The following SEL1L variants were observed in gnomAD, a reference collection of about 807,000 sequenced individuals.
The protein encoded by SEL1L is SEL1L adaptor subunit of SYVN1 ubiquitin ligase.
A neutral mutation model predicts 109.8 loss-of-function variants in SEL1L; 52 were observed. That is an observed-to-expected ratio of 0.47 (90% confidence interval 0.38 to 0.60). SEL1L has a LOEUF of 0.60. Ranked by LOEUF, SEL1L falls within the 20% of genes least tolerant of loss-of-function variation. The pLI, the probability that SEL1L is intolerant of heterozygous loss-of-function variation, is 0.00. For missense variants in SEL1L, 749 were observed against 962.2 expected, an observed-to-expected ratio of 0.78 and a Z score of 2.93; for synonymous variants, 373 against 339.6, an observed-to-expected ratio of 1.10 and a Z score of -1.08.
rs1903173393 is a variant in SEL1L at position 81,476,798 on chromosome 14, C to T, written c.*174G>A. The T allele has an allele frequency of 3.2e-6, 2 of 617,838 alleles. No homozygotes were observed. Among genetic ancestry groups the T allele is most frequent in the African/African-American group, 3.7e-5 (2 of 54,298 alleles). The allele number at this position is 617,838 out of a possible 1,614,324, so 38.3% of individuals were successfully genotyped here. ...TTCAGCTCAGTTTAGGTAAGAGTTA[C>T]TTATCCCTGAAAATAAAGGCATCAG... On this transcript the variant is annotated 3_prime_UTR_variant, in exon 21 of 21. Coordinates refer to ENST00000336735, the MANE Select transcript of SEL1L (RefSeq NM_005065.6).
intron 20 of SEL1L, among the ~76,000 whole-genome samples, chr14:81,477,932 C>T (rs991218005): frequency 6.6e-6 from 1 of 152,104 alleles, no homozygotes; most frequent in Non-Finnish European, 1.5e-5. Flanking sequence ...GACAGTGGGG[C>T]CATTTCACAA....
intron 14 of SEL1L, among the ~76,000 whole-genome samples, chr14:81,488,381 A>G (rs369613966): frequency 8.4e-4 from 128 of 152,348 alleles, no homozygotes; most frequent in Admixed American, 3.3e-3. Flanking sequence ...TCCAAGAAGA[A>G]AAGTTAAAAT....
In SEL1L at chr14:81,473,953, C is replaced by A. The variant is rs1903080834; in HGVS notation, c.*3019G>T. 1 of 151,842 alleles carries A rather than the reference C, an allele frequency of 6.6e-6. No individual in the cohort carries two copies. Among genetic ancestry groups the A allele is most frequent in the African/African-American group, 2.4e-5 (1 of 41,396 alleles). 9.4% of individuals were successfully genotyped at this position (151,842 alleles called of 1,614,324 possible). The stretch of plus-strand genomic sequence containing the variant: ...ATCAACGGCTCTTTAAATAAATCAT[C>A]AGATCATCACCAGATCACTGGCAGG... On this transcript the variant is annotated 3_prime_UTR_variant, in exon 21 of 21. Coordinates refer to ENST00000336735, the MANE Select transcript of SEL1L (RefSeq NM_005065.6).
chr14:81,486,589 T>C, intron 16 of SEL1L, 135 bp from the exon 17 acceptor site: 2 of 750,614 alleles, frequency 2.7e-6, no homozygotes, highest in Non-Finnish European at 4.1e-6. Context: ...TGAACAGACA[T>C]AAAAGTTTGA....
intron 6 of SEL1L, 64 bp downstream of exon 6, chr14:81,502,657 T>C (rs1884062020): frequency 6.6e-7 from 1 of 1,513,626 alleles, no homozygotes; most frequent in Non-Finnish European, 9.0e-7. Context: ...ACATAGAGAG[T>C]AAACTGCTTT....
rs1252432369 is a variant in SEL1L at position 81,473,002 on chromosome 14, G to A, written c.*3970C>T. On this transcript the variant is annotated 3_prime_UTR_variant, in exon 21 of 21. Transcript: ENST00000336735. Reference sequence around the variant, plus strand: ...GTACATCTCTCTATTAACAGGATTTGTTTACACAATTATATTACACTTCAC... The same window carrying A: ...GTACATCTCTCTATTAACAGGATTTATTTACACAATTATATTACACTTCAC... The A allele has an allele frequency of 6.5e-6, 1 of 154,710 alleles. No individual in the cohort carries two copies. Among genetic ancestry groups the A allele is most frequent in the Non-Finnish European group, 1.4e-5 (1 of 69,408 alleles). The allele number at this position is 154,710 out of a possible 1,614,324, so 9.6% of individuals were successfully genotyped here.
At chr14:81,533,523 G>A (rs1007737820) in intron 1 of SEL1L, 152 bp downstream of exon 1, 4 of 743,712 alleles carry the variant, frequency 5.4e-6, no homozygotes, top group Middle Eastern at 3.9e-4. Context: ...CTTTGGCGCA[G>A]GCCAAGCAAA....
intron 5 of SEL1L, among the ~76,000 whole-genome samples, 196 bp downstream of exon 5, chr14:81,503,999 AATCAGT>A (rs1884124759): frequency 6.6e-6 from 1 of 152,212 alleles, no homozygotes; most frequent in Non-Finnish European, 1.5e-5. Context: ...TTGTTACTGT[AATCAGT>A]ATAACAATTT....
At chr14:81,486,066 C>T (rs1219168339) in intron 17 of SEL1L, among the ~76,000 whole-genome samples, 4 of 152,100 alleles carry the variant, frequency 2.6e-5, no homozygotes, top group Non-Finnish European at 5.9e-5. Flanking sequence ...ATGCAAAGTG[C>T]TTAATTTTAA....
At chr14:81,494,771 A>G (rs1355151334) in intron 11 of SEL1L, among the ~76,000 whole-genome samples, 1 of 152,200 alleles carries the variant, frequency 6.6e-6, no homozygotes. Context: ...AATAACCACA[A>G]TTTATATTTG....
chr14:81,491,393 G>C (rs1883532982), intron 12 of SEL1L, among the ~76,000 whole-genome samples: 1 of 152,170 alleles, frequency 6.6e-6, no homozygotes, highest in Non-Finnish European at 1.5e-5. Context: ...AACAATAAAT[G>C]TAAAAAATAG....
chr14:81,486,256 C>CTA, intron 17 of SEL1L, 33 bp downstream of exon 17: 1 of 1,610,198 alleles, frequency 6.2e-7, no homozygotes, highest in Non-Finnish European at 8.5e-7. Flanking sequence ...CTCGTACATT[C>CTA]TAAACCTAAG....
intron 3 of SEL1L, among the ~76,000 whole-genome samples, chr14:81,510,296 T>C (rs925526756): frequency 2.6e-5 from 4 of 152,128 alleles, no homozygotes; most frequent in Non-Finnish European, 5.9e-5. Context: ...AATCAGTGAT[T>C]ATAGAGAACG....
intron 3 of SEL1L, among the ~76,000 whole-genome samples, chr14:81,514,008 C>T (rs898007947): frequency 1.3e-5 from 2 of 152,222 alleles, no homozygotes; most frequent in East Asian, 1.9e-4. Context: ...AACTTCCTCT[C>T]GCCTCTCTTC....
chr14:81,502,153 GAAC>G (rs1488450874), intron 6 of SEL1L, among the ~76,000 whole-genome samples: 1 of 152,028 alleles, frequency 6.6e-6, no homozygotes, highest in East Asian at 1.9e-4. Context: ...TGAAGTTCCA[GAAC>G]AATAGACAGT....
At position 81,506,124 on chromosome 14, in the gene SEL1L, C is replaced by T. The variant is rs749187287; in HGVS notation, c.458G>A (p.Cys153Tyr). The change falls in exon 4 of 21, where the codon TGT becomes TAT. Residue 153 changes from cysteine (C) to tyrosine (Y), a missense_variant. Around this residue, in one of 2 missense-constraint regions of SEL1L, gnomAD observed 366 missense variants for 399.8 expected, o/e 0.92. Coordinates refer to ENST00000336735, the MANE Select transcript of SEL1L (RefSeq NM_005065.6). ...TGCTTTGTAGTCATAGGTTGTAGCA[C>T]ACCACAGTCTGCCATCTTCCCTCCC... ...SDGREDGRLW[C>Y]ATTYDYKADE... The T allele has an allele frequency of 6.2e-7, 1 of 1,614,056 alleles. No homozygotes were observed. Among genetic ancestry groups the T allele is most frequent in the Non-Finnish European group, 8.5e-7 (1 of 1,179,928 alleles).
At position 81,485,556 on chromosome 14, in the gene SEL1L, TGCTAG is replaced by T. The variant is rs1345950852; in HGVS notation, c.1873+111_1873+115del. On this transcript the variant is annotated intron_variant, in intron 18 of 20. Transcript: ENST00000336735. ...ATCCTCCTGCCTTGGCTTCCGAAAG[TGCTAG>T]GGTTACAGGCGTGAGCCACAGTACT... is the stretch of plus-strand genomic sequence containing the variant. 3.4e-6 allele frequency: 3 copies of T among 871,734 alleles called. No homozygotes were observed. In the Admixed American group the frequency reaches 6.6e-5, roughly 19 times the overall value. 54.0% of individuals were successfully genotyped at this position (871,734 alleles called of 1,614,324 possible).
intron 8 of SEL1L, 138 bp from the exon 9 acceptor site, chr14:81,498,632 T>A: frequency 8.0e-6 from 5 of 626,942 alleles, no homozygotes; most frequent in Non-Finnish European, 1.4e-5. Context: ...TTATGCTAAG[T>A]GTTAGGTTTT....
chr14:81,533,799 C>T lies in SEL1L; in HGVS notation c.-55G>A. The T allele has an allele frequency of 1.3e-6, 2 of 1,554,106 alleles. No individual in the cohort carries two copies. Among genetic ancestry groups the T allele is most frequent in the Admixed American group, 1.8e-5 (1 of 56,246 alleles). On this transcript the variant is annotated 5_prime_UTR_variant, in exon 1 of 21. Transcript: ENST00000336735. ...GAGCTGTCGCCTTCGCCTCTGCCAC[C>T]ACGGACTCAGCCACCACCGCCGCCT...
Sources: gnomAD v4.1 joint callset for allele counts (sites outside exome capture counted in the v4.1 genomes callset) on GRCh38, gnomAD v4.1.1 for gene constraint, gnomAD v4.1.1 regional missense constraint, MANE v1.5 for transcripts, NCBI Gene and HGNC (gene_info 2026-07-23, HGNC 2026-07-21) for gene names.